Variants in PLEKHA2 observed in about 807,000 individuals in gnomAD.
The protein encoded by PLEKHA2 is pleckstrin homology domain-containing family A member 2.
PLEKHA2 carries 28 observed loss-of-function variants against 53.2 expected under a neutral mutation model. The ratio of observed to expected loss-of-function variants is 0.53; its 90% CI spans 0.39 to 0.72. The LOEUF is 0.72. Among genes scored for constraint, PLEKHA2 ranks in the 30% least tolerant of loss-of-function variants. The pLI, the probability that PLEKHA2 is intolerant of heterozygous loss-of-function variation, is 0.00. For synonymous variants in PLEKHA2, 193 were observed against 196.4 expected (o/e 0.98, Z 0.14); for missense variants, 426 against 537.9 (o/e 0.79, Z 2.06).
chr8:38,939,559 C>T (rs891449080), intron 3 of PLEKHA2, among the ~76,000 whole-genome samples: 4 of 152,222 alleles, frequency 2.6e-5, no homozygotes, highest in Admixed American at 6.5e-5. Context: ...AAAGCCAGAC[C>T]GTCTCTTTGA....
chr8:38,936,791 C>T (rs1046856871), intron 3 of PLEKHA2, among the ~76,000 whole-genome samples: 3 of 152,206 alleles, frequency 2.0e-5, no homozygotes, highest in Non-Finnish European at 4.4e-5. Flanking sequence ...ATAAAAAGGC[C>T]GGGAGATTTA....
intron 4 of PLEKHA2, among the ~76,000 whole-genome samples, chr8:38,944,756 G>T (rs1252957578): frequency 6.6e-6 from 1 of 152,116 alleles, no homozygotes; most frequent in Non-Finnish European, 1.5e-5. Context: ...CATGAGATTT[G>T]GGTAGGGACA....
At chr8:38,965,886 T>A (rs1237064126) in intron 10 of PLEKHA2, among the ~76,000 whole-genome samples, 1 of 152,308 alleles carries the variant, frequency 6.6e-6, no homozygotes, top group East Asian at 1.9e-4. Context: ...CTAATTGAGG[T>A]CATTTAATTC....
At chr8:38,935,181 A>AT (rs1246766618) in intron 2 of PLEKHA2, among the ~76,000 whole-genome samples, 1 of 151,692 alleles carries the variant, frequency 6.6e-6, no homozygotes, top group East Asian at 1.9e-4. Context: ...GCCCGGCTCT[A>AT]TATTTTTAGC....
At position 38,948,050 on chromosome 8, in the gene PLEKHA2, C is replaced by T. The variant is rs554308406; in HGVS notation, c.345+1829C>T. On this transcript the variant is annotated intron_variant, in intron 5 of 11. Transcript: ENST00000617275. ...GCAGTGAGCCGAGATCGCGCCACTG[C>T]ACTCCAGCCTGGGCGACAGAGCAAG... 4.1e-5 allele frequency among the ~76,000 whole-genome samples: 6 copies of T among 147,578 alleles called. No individual in the cohort carries two copies. In the South Asian group the frequency reaches 1.3e-3, roughly 31 times the overall value.
rs1226128787 is a variant in PLEKHA2, at chr8:38,969,638, T to C, written c.1133T>C (p.Leu378Ser). ...CCTGGAGACACTTCAGAGGACTCCT[T>C]GTTCACGCCTCGTCCTGGGGAGGGC... ...LPPGDTSEDS[L>S]FTPRPGEGSA... Residue 378 changes from leucine to serine, a missense_variant, in exon 12 of 12, where the codon TTG becomes TCG. Transcript: ENST00000617275. The C allele has an allele frequency of 1.2e-6, 2 of 1,601,812 alleles. No homozygotes were observed. The highest frequency in any genetic ancestry group is 1.7e-5 in the Admixed American group (1 of 57,980).
chr8:38,926,093 G>C (rs1484689413), intron 2 of PLEKHA2, among the ~76,000 whole-genome samples: 1 of 152,224 alleles, frequency 6.6e-6, no homozygotes, highest in African/African-American at 2.4e-5. Flanking sequence ...ATCTCTGCCT[G>C]AGAGACTATC....
At chr8:38,913,378 A>AAG (rs1833983694) in intron 1 of PLEKHA2, among the ~76,000 whole-genome samples, 2 of 151,144 alleles carry the variant, frequency 1.3e-5, no homozygotes, top group African/African-American at 4.9e-5. Context: ...AGGAAAAAAA[A>AAG]AAAAAAAAGA....
At chr8:38,945,489 T>C (rs1834696762) in intron 4 of PLEKHA2, among the ~76,000 whole-genome samples, 1 of 152,238 alleles carries the variant, frequency 6.6e-6, no homozygotes, top group Non-Finnish European at 1.5e-5. Context: ...ATGCTCATTC[T>C]TCTATTTCTT....
rs1329864253 is a variant in PLEKHA2 at position 38,972,210 on chromosome 8, A to G, written c.*2427A>G. The G allele has an allele frequency of 6.6e-6, 1 of 152,050 alleles. No individual in the cohort carries two copies. The highest frequency in any genetic ancestry group is 1.5e-5 in the Non-Finnish European group (1 of 68,018). The allele number at this position is 152,050 out of a possible 1,614,324, so 9.4% of individuals were successfully genotyped here. ...TTTTTTTTTTTAATTTTTAAAAGAC[A>G]GGGTCTCACTCTCTTACCCAGGCTA... is the stretch of plus-strand genomic sequence containing the variant. On this transcript the variant is annotated 3_prime_UTR_variant, in exon 12 of 12. Coordinates refer to ENST00000617275, the MANE Select transcript of PLEKHA2 (RefSeq NM_021623.2).
Position 38,969,901 on chromosome 8 carries a change from T to C in PLEKHA2, c.*118T>C. On this transcript the variant is annotated 3_prime_UTR_variant, in exon 12 of 12. Transcript: ENST00000617275. ...GAGGCCTTTATGTCACTCATATTCC[T>C]GTGGATGCTCTTTGGGAGGGAGGGG... The C allele has an allele frequency of 7.1e-7, 1 of 1,415,364 alleles. No homozygotes were observed. Among genetic ancestry groups the C allele is most frequent in the Admixed American group, 2.6e-5 (1 of 38,964 alleles). 87.7% of individuals were successfully genotyped at this position (1,415,364 alleles called of 1,614,324 possible).
At chr8:38,937,475 C>A (rs1834517990) in intron 3 of PLEKHA2, among the ~76,000 whole-genome samples, 1 of 152,098 alleles carries the variant, frequency 6.6e-6, no homozygotes, top group African/African-American at 2.4e-5. Context: ...AAACCCTCTC[C>A]TGTGTGAGAG....
chr8:38,967,229 G>T (rs1373193263), intron 10 of PLEKHA2, among the ~76,000 whole-genome samples: 2 of 152,132 alleles, frequency 1.3e-5, no homozygotes, highest in Non-Finnish European at 2.9e-5. Context: ...CCTTACTATT[G>T]TGAATATTGC....
At position 38,950,982 on chromosome 8, in the gene PLEKHA2, A is replaced by G. The variant is rs2129422174; in HGVS notation, c.478A>G (p.Ile160Val). 6.2e-7 allele frequency: 1 copy of G among 1,608,310 alleles called. No individual in the cohort carries two copies. Among genetic ancestry groups the G allele is most frequent in the Non-Finnish European group, 8.5e-7 (1 of 1,176,690 alleles). Residue 160 changes from isoleucine to valine, a missense_variant, in exon 6 of 12, where the codon ATC becomes GTC. Transcript: ENST00000617275. ...IIGGVVVHTPISQNGGDGQEG... is the reference protein window; with the variant it reads ...IIGGVVVHTPVSQNGGDGQEG... ...TGGAGGGGTGGTGGTCCACACACCC[A>G]TCAGCCAGGTGAGGGGCCTGACTGG...
chr8:38,903,636 G>A (rs1211075499), intron 1 of PLEKHA2, among the ~76,000 whole-genome samples: 2 of 152,162 alleles, frequency 1.3e-5, no homozygotes, highest in South Asian at 2.1e-4. Flanking sequence ...AGTGTTTGCC[G>A]AAGTGCTAGG....
intron 10 of PLEKHA2, among the ~76,000 whole-genome samples, chr8:38,966,097 G>A (rs1263295364): frequency 1.3e-5 from 2 of 152,146 alleles, no homozygotes; most frequent in African/African-American, 2.4e-5. Context: ...CAGAGCACAC[G>A]TTAGAGAGGT....
intron 1 of PLEKHA2, among the ~76,000 whole-genome samples, chr8:38,905,842 G>C (rs191296321): frequency 6.6e-6 from 1 of 152,046 alleles, no homozygotes; most frequent in East Asian, 1.9e-4. Context: ...ATGCCACCAC[G>C]CCCAGCTAAT....
At chr8:38,920,277 A>G (rs1834157472) in intron 2 of PLEKHA2, among the ~76,000 whole-genome samples, 1 of 151,712 alleles carries the variant, frequency 6.6e-6, no homozygotes, top group Non-Finnish European at 1.5e-5. Context: ...CAGCCTCCCG[A>G]GTAGTTGGGA....
chr8:38,908,158 G>A (rs560572527), intron 1 of PLEKHA2, among the ~76,000 whole-genome samples: 1 of 152,312 alleles, frequency 6.6e-6, no homozygotes, highest in Admixed American at 6.5e-5. Context: ...TAGAGGAATA[G>A]CAGCATCGAC....
Sources: gnomAD v4.1 joint callset for allele counts (sites outside exome capture counted in the v4.1 genomes callset) on GRCh38, gnomAD v4.1.1 for gene constraint, MANE v1.5 for transcripts, NCBI Gene and HGNC (gene_info 2026-07-23, HGNC 2026-07-21) for gene names.